Variants in MARCHF1 observed in about 807,000 individuals in gnomAD.
MARCHF1 encodes membrane associated ring-CH-type finger 1.
In MARCHF1, 40 loss-of-function variants were observed where a neutral mutation model predicts 54.2. That is an observed-to-expected ratio of 0.74 (90% CI 0.57 to 0.96). The LOEUF (loss-of-function observed/expected upper bound fraction) is 0.96, where lower values mean the gene tolerates loss of function less well. Ranked by LOEUF, MARCHF1 falls within the 40% of genes least tolerant of loss-of-function variation. The pLI is 0.00. For synonymous variants in MARCHF1, 236 were observed against 236.3 expected, an observed-to-expected ratio of 1.00 and a Z score of 0.01; for missense variants, 586 against 656.5, an observed-to-expected ratio of 0.89 and a Z score of 1.17.
At chr4:164,351,269 G>C (rs1254787263) in intron 1 of MARCHF1, among the ~76,000 whole-genome samples, 1 of 150,078 alleles carries the variant, frequency 6.7e-6, no homozygotes, top group Non-Finnish European at 1.5e-5. Flanking sequence ...GACAGCTCAA[G>C]GAGGCCTGCC....
At chr4:163,545,446 T>C in intron 9 of MARCHF1, 150 bp downstream of exon 9, 1 of 642,478 alleles carries the variant, frequency 1.6e-6, no homozygotes, top group Non-Finnish European at 2.5e-6. Context: ...TTTTAATCAA[T>C]AACATGATTA....
intron 5 of MARCHF1, among the ~76,000 whole-genome samples, chr4:163,649,215 C>T (rs1440034852): frequency 1.3e-5 from 2 of 151,862 alleles, no homozygotes; most frequent in Non-Finnish European, 2.9e-5. Flanking sequence ...TGAATAGATT[C>T]TCTGCACTGA....
chr4:164,191,741 A>C (rs1375968305), intron 1 of MARCHF1, among the ~76,000 whole-genome samples: 1 of 152,194 alleles, frequency 6.6e-6, no homozygotes, highest in Non-Finnish European at 1.5e-5. Context: ...GTTTTCTGAG[A>C]GTCATACTTC....
chr4:163,555,596 A>C (rs991097510), intron 8 of MARCHF1, among the ~76,000 whole-genome samples: 2 of 152,242 alleles, frequency 1.3e-5, no homozygotes, highest in Non-Finnish European at 2.9e-5. Flanking sequence ...ATTCTGAAAG[A>C]GAAGTCAGTA....
At chr4:163,813,382 G>A (rs1459982909) in intron 4 of MARCHF1, among the ~76,000 whole-genome samples, 1 of 152,052 alleles carries the variant, frequency 6.6e-6, no homozygotes, top group Non-Finnish European at 1.5e-5. Flanking sequence ...ATCCTGGTTG[G>A]TTGTCTCTAA....
chr4:163,829,409 A>G (rs915007758), intron 4 of MARCHF1, among the ~76,000 whole-genome samples: 1 of 152,152 alleles, frequency 6.6e-6, no homozygotes, highest in Non-Finnish European at 1.5e-5. Context: ...TCATCTCATA[A>G]AACCTATTAT....
intron 2 of MARCHF1, among the ~76,000 whole-genome samples, chr4:164,088,027 A>C (rs1276452733): frequency 2.0e-5 from 3 of 151,968 alleles, no homozygotes; most frequent in Admixed American, 1.3e-4. Context: ...CATACATATG[A>C]ATGAGTATTA....
At chr4:163,630,317 A>G (rs1742028912) in intron 5 of MARCHF1, among the ~76,000 whole-genome samples, 1 of 152,340 alleles carries the variant, frequency 6.6e-6, no homozygotes, top group African/African-American at 2.4e-5. Context: ...AATTATGCTG[A>G]GTGAAAGAAG....
chr4:163,733,227 G>GTATATATATATA (rs1241873225), intron 4 of MARCHF1, among the ~76,000 whole-genome samples: 4 of 13,832 alleles, frequency 2.9e-4, no homozygotes, highest in African/African-American at 7.3e-4. Flanking sequence ...ATATACACGT[G>GTATATATATATA]TATATATATA....
intron 2 of MARCHF1, among the ~76,000 whole-genome samples, chr4:164,027,188 T>G (rs1322220605): frequency 5.3e-5 from 8 of 151,464 alleles, no homozygotes; most frequent in Non-Finnish European, 8.8e-5. Flanking sequence ...TCAATGCAAT[T>G]CCAATCAAAC....
intron 2 of MARCHF1, among the ~76,000 whole-genome samples, chr4:164,031,734 A>G (rs1412450351): frequency 1.3e-5 from 2 of 152,190 alleles, no homozygotes; most frequent in East Asian, 3.8e-4. Context: ...TTGGTTTGCC[A>G]GTATTTTATT....
At chr4:164,042,552 T>G (rs1023911475) in intron 2 of MARCHF1, among the ~76,000 whole-genome samples, 1 of 152,140 alleles carries the variant, frequency 6.6e-6, no homozygotes, top group African/African-American at 2.4e-5. Flanking sequence ...ACTAAGCCCC[T>G]TCTCCAATTC....
intron 1 of MARCHF1, among the ~76,000 whole-genome samples, chr4:164,126,490 T>C (rs529001321): frequency 1.5e-3 from 231 of 152,098 alleles, no homozygotes; most frequent in Non-Finnish European, 2.5e-3. Context: ...AATAGAAAAA[T>C]TGGTATGGAG....
In MARCHF1 at chr4:164,199,679, C is replaced by CAG. The variant is rs1332146468; in HGVS notation, c.-322-88018_-322-88017insCT. Reference sequence around the variant, plus strand: ...ACACACACACACACACACACACACACACAGAGAGAGAGAGAGAGAGAGAGA... The same window carrying CAG: ...ACACACACACACACACACACACACACAGACAGAGAGAGAGAGAGAGAGAGAGA... On this transcript the variant is annotated intron_variant, in intron 1 of 9. Transcript: ENST00000514618. Among the ~76,000 whole-genome samples the CAG allele has an allele frequency of 9.0e-4, 47 of 51,970 alleles. No homozygotes were observed. In the East Asian group the frequency reaches 0.01, roughly 11 times the overall value. 34.1% of individuals were successfully genotyped at this position (51,970 alleles called of 152,430 possible). A position where few individuals can be genotyped will look rare whatever the true frequency, so the allele number is the denominator to read the frequency against.
chr4:163,848,704 A>T (rs1447464074), intron 4 of MARCHF1, among the ~76,000 whole-genome samples: 2 of 152,188 alleles, frequency 1.3e-5, no homozygotes, highest in Non-Finnish European at 1.5e-5. Flanking sequence ...ATACAAGAGG[A>T]GGCCACTTCC....
In MARCHF1 at chr4:163,595,610, A is replaced by C. The variant is rs561914656; in HGVS notation, c.1011-9681T>G. Among the ~76,000 whole-genome samples the C allele has an allele frequency of 2.6e-5, 4 of 152,342 alleles. No homozygotes were observed. The East Asian group carries it at 7.7e-4, about 29-fold the overall frequency. ...TTGCTACAGGATTGGCTGTTCATTG[A>C]TGAAATTTGAGGAAATTATGCCAAA... On this transcript the variant is annotated intron_variant, in intron 7 of 9. Coordinates refer to ENST00000514618, the MANE Select transcript of MARCHF1 (RefSeq NM_001394959.1).
At chr4:163,809,703 A>G (rs1351498472) in intron 4 of MARCHF1, among the ~76,000 whole-genome samples, 2 of 151,750 alleles carry the variant, frequency 1.3e-5, no homozygotes, top group African/African-American at 4.9e-5. Flanking sequence ...TATATTATAT[A>G]CATATACATG....
intron 2 of MARCHF1, among the ~76,000 whole-genome samples, chr4:164,104,134 AC>A (rs1457790754): frequency 6.7e-6 from 1 of 149,252 alleles, no homozygotes; most frequent in Non-Finnish European, 1.5e-5. Context: ...TAGCTTACCA[AC>A]CAAAAAGAGT....
At chr4:163,785,374 T>G (rs776485769) in intron 4 of MARCHF1, among the ~76,000 whole-genome samples, 4 of 152,112 alleles carry the variant, frequency 2.6e-5, no homozygotes, top group Non-Finnish European at 4.4e-5. Flanking sequence ...ATTGAAAGTG[T>G]GTCACAACCT....
Sources: allele counts gnomAD v4.1 joint callset (sites outside exome capture counted in the v4.1 genomes callset), GRCh38; gene constraint gnomAD v4.1.1; transcripts MANE v1.5; gene names NCBI Gene and HGNC (gene_info 2026-07-23, HGNC 2026-07-21).